HSD17B4: variants seen among roughly 807,000 people sequenced by gnomAD.
HSD17B4 encodes hydroxysteroid 17-beta dehydrogenase 4.
HSD17B4 carries 70 observed loss-of-function variants against 101.0 expected under a neutral mutation model. The observed-to-expected ratio is 0.69, with a 90% CI of 0.57 to 0.85. HSD17B4 has a LOEUF of 0.85. Ranked by LOEUF, HSD17B4 falls within the 40% of genes least tolerant of loss-of-function variation. The probability of loss-of-function intolerance (pLI) is 0.00; values close to 1 mark genes in which losing one functional copy is unlikely to be tolerated. For missense variants in HSD17B4, 984 were observed against 892.4 expected, an observed-to-expected ratio of 1.10 and a Z score of -1.31; for synonymous variants, 347 against 297.1, an observed-to-expected ratio of 1.17 and a Z score of -1.73.
intron 17 of HSD17B4, among the ~76,000 whole-genome samples, chr5:119,524,075 A>G (rs568761491): frequency 1.6e-4 from 24 of 152,120 alleles, no homozygotes; most frequent in Non-Finnish European, 1.8e-4. Context: ...ATTATCATTT[A>G]CTTCTCTTAG....
intron 8 of HSD17B4, among the ~76,000 whole-genome samples, chr5:119,480,578 C>A (rs1438523564): frequency 2.0e-5 from 3 of 152,134 alleles, no homozygotes; most frequent in Non-Finnish European, 4.4e-5. Flanking sequence ...AGGGCGAGAT[C>A]ACAGGACCAC....
chr5:119,459,406 A>G (rs746917882), intron 2 of HSD17B4, among the ~76,000 whole-genome samples: 6 of 152,180 alleles, frequency 3.9e-5, no homozygotes, highest in Non-Finnish European at 8.8e-5. Context: ...AACTGGATAT[A>G]TCAAAGTGAA....
At chr5:119,509,376 C>A in intron 16 of HSD17B4, 132 bp downstream of exon 16, 1 of 736,056 alleles carries the variant, frequency 1.4e-6, no homozygotes, top group South Asian at 1.4e-5. Context: ...ATCTGCCACC[C>A]CTGGGACACC....
intron 8 of HSD17B4, 52 bp from the exon 9 acceptor site, chr5:119,489,140 A>C: frequency 1.6e-6 from 2 of 1,249,216 alleles, no homozygotes; most frequent in Non-Finnish European, 2.4e-6. Context: ...TAAGTAAGAA[A>C]TTCTTAGAAA....
intron 12 of HSD17B4, among the ~76,000 whole-genome samples, chr5:119,497,630 A>G (rs1273715682): frequency 6.6e-6 from 1 of 152,184 alleles, no homozygotes; most frequent in Non-Finnish European, 1.5e-5. Context: ...CTCTATGTTG[A>G]AAGTGAAGTG....
At chr5:119,463,655 CTTTTTTT>C (rs57252147) in intron 2 of HSD17B4, among the ~76,000 whole-genome samples, 8 of 29,698 alleles carry the variant, frequency 2.7e-4, no homozygotes, top group Non-Finnish European at 4.8e-4. Context: ...ATTTATATGT[CTTTTTTT>C]TTTTTTTTTT....
Position 119,502,139 on chromosome 5 carries a change from A to G in HSD17B4, c.1261+47A>G, listed in dbSNP as rs455949. On this transcript the variant is annotated intron_variant, in intron 14 of 23. Transcript: ENST00000510025. ...TCCATAATACCATACTTTTATTTCC[A>G]GATTAACCTTTTAAACAACATCAGT... 575,316 of 1,213,116 alleles carry G rather than the reference A, an allele frequency of 0.47. 138,963 individuals are homozygous for G. Among genetic ancestry groups the G allele is most frequent in the Admixed American group, 0.55 (32,862 of 59,212 alleles). The allele number at this position is 1,213,116 out of a possible 1,614,324, so 75.1% of individuals were successfully genotyped here.
In HSD17B4 at chr5:119,511,430, T is replaced by G. The variant is rs144192800; in HGVS notation, c.1437+2186T>G. On this transcript the variant is annotated intron_variant, in intron 16 of 23. Coordinates refer to ENST00000510025, the MANE Select transcript of HSD17B4 (RefSeq NM_000414.4). ...TGGGATTGTAACAAACCTCAAAGTC[T>G]GGCCTCAACGACTACCCTTGCAAAG... 7.2e-5 allele frequency among the ~76,000 whole-genome samples: 11 copies of G among 152,266 alleles called. No individual in the cohort carries two copies. The East Asian group carries it at 2.1e-3, about 29-fold the overall frequency.
intron 2 of HSD17B4, 46 bp from the exon 3 acceptor site, chr5:119,473,862 A>T: frequency 9.0e-7 from 1 of 1,114,282 alleles, no homozygotes; most frequent in Non-Finnish European, 1.4e-6. Context: ...ACACATTTTG[A>T]AAGTCTAGAA....
At chr5:119,541,882 CT>C in intron 23 of HSD17B4, 22 bp from the exon 24 acceptor site, 19 of 1,453,658 alleles carry the variant, frequency 1.3e-5, no homozygotes, top group Non-Finnish European at 1.8e-5. Context: ...AGTTGGCACT[CT>C]TTTTCCCTCC....
chr5:119,473,477 C>T (rs1426218253), intron 2 of HSD17B4, among the ~76,000 whole-genome samples: 2 of 151,588 alleles, frequency 1.3e-5, no homozygotes, highest in African/African-American at 4.9e-5. Context: ...TGCCATAATG[C>T]CCAGCTAATT....
In HSD17B4 at chr5:119,478,378, A is replaced by C. The variant is rs762671266; in HGVS notation, c.435-456A>C. 2.6e-5 allele frequency among the ~76,000 whole-genome samples: 4 copies of C among 152,180 alleles called. No individual in the cohort carries two copies. The East Asian group carries it at 7.7e-4, about 29-fold the overall frequency. On this transcript the variant is annotated intron_variant, in intron 7 of 23. Transcript: ENST00000510025. ...ATCCTGGTCCTGACAGTTTCTGAAAATAAATAATATGATTTATTTTACTTA... is the reference window on the plus strand; with the variant it reads ...ATCCTGGTCCTGACAGTTTCTGAAACTAAATAATATGATTTATTTTACTTA...
intron 14 of HSD17B4, among the ~76,000 whole-genome samples, chr5:119,505,798 A>G (rs1751591284): frequency 6.6e-6 from 1 of 151,922 alleles, no homozygotes; most frequent in Non-Finnish European, 1.5e-5. Flanking sequence ...GAATAGGAGT[A>G]GAAATTTAAG....
At chr5:119,510,200 A>G (rs954482709) in intron 16 of HSD17B4, among the ~76,000 whole-genome samples, 3 of 152,206 alleles carry the variant, frequency 2.0e-5, no homozygotes, top group Non-Finnish European at 4.4e-5. Context: ...GTTAAGTATA[A>G]TGTATCTGAG....
chr5:119,532,560 A>G (rs541243971), intron 22 of HSD17B4, among the ~76,000 whole-genome samples: 1 of 151,450 alleles, frequency 6.6e-6, no homozygotes, highest in East Asian at 2.1e-4. Flanking sequence ...TTTGTTTAGT[A>G]TGAGTGAAAT....
chr5:119,479,598 C>T (rs1292860700), intron 8 of HSD17B4, among the ~76,000 whole-genome samples: 2 of 152,138 alleles, frequency 1.3e-5, no homozygotes, highest in Admixed American at 1.3e-4. Flanking sequence ...AATGGTTTTA[C>T]TGCCCTAAAA....
chr5:119,538,551 C>T (rs151166247), intron 23 of HSD17B4, among the ~76,000 whole-genome samples: 9 of 152,264 alleles, frequency 5.9e-5, no homozygotes, highest in African/African-American at 2.2e-4. Context: ...CCAGCATTTC[C>T]TTTTGCACGT....
At chr5:119,517,865 T>C (rs560269260) in intron 17 of HSD17B4, among the ~76,000 whole-genome samples, 37 of 152,326 alleles carry the variant, frequency 2.4e-4, no homozygotes, top group South Asian at 1.9e-3. Flanking sequence ...AATGCACCAA[T>C]TGATACTCTG....
At chr5:119,506,633 A>G (rs1487143001) in intron 14 of HSD17B4, among the ~76,000 whole-genome samples, 185 bp from the exon 15 acceptor site, 3 of 152,204 alleles carry the variant, frequency 2.0e-5, no homozygotes, top group Non-Finnish European at 4.4e-5. Context: ...ACTCCCACCA[A>G]CAGTGTAAAA....
Sources: gnomAD v4.1 joint callset for allele counts (sites outside exome capture counted in the v4.1 genomes callset) on GRCh38, gnomAD v4.1.1 for gene constraint, MANE v1.5 for transcripts, NCBI Gene and HGNC (gene_info 2026-07-23, HGNC 2026-07-21) for gene names.